Variants in LETM1 observed in about 807,000 individuals in gnomAD.
The protein encoded by LETM1 is leucine zipper and EF-hand containing transmembrane protein 1, also known as mitochondrial proton/calcium exchanger protein.
In LETM1, 50 loss-of-function variants were observed where a neutral mutation model predicts 74.5. That is an observed-to-expected ratio of 0.67 (90% CI 0.53 to 0.85). LETM1 has a LOEUF of 0.85. Among genes scored for constraint, LETM1 ranks in the 40% least tolerant of loss-of-function variants. The pLI is 0.00. For missense variants in LETM1, 824 were observed against 967.8 expected (o/e 0.85, Z 1.97); for synonymous variants, 446 against 407.1 (o/e 1.10, Z -1.15).
At chr4:1,828,194 C>T (rs1382323310) in intron 6 of LETM1, among the ~76,000 whole-genome samples, 3 of 130,924 alleles carry the variant, frequency 2.3e-5, no homozygotes, top group Non-Finnish European at 5.0e-5. Flanking sequence ...CCCCTCACCT[C>T]CCGGACGGGG....
At chr4:1,837,674 C>T (rs1237966443) in intron 3 of LETM1, among the ~76,000 whole-genome samples, 4 of 151,096 alleles carry the variant, frequency 2.6e-5, no homozygotes, top group African/African-American at 9.7e-5. Context: ...CATTGCAAAA[C>T]CATCACTAAA....
In LETM1 at chr4:1,834,516, G is replaced by A. The variant is rs1168125236; in HGVS notation, c.876+329C>T. On this transcript the variant is annotated intron_variant, in intron 5 of 13. Coordinates refer to ENST00000302787, the MANE Select transcript of LETM1 (RefSeq NM_012318.3). This position sits in a 1 kb window ranked among gnomAD's most constrained non-coding sequence, Gnocchi z 5.0. The stretch of plus-strand genomic sequence containing the variant: ...AGGGCAATGCCCAGCAGAGGAGCCC[G>A]GCCAAGCCACCCACACCTCACACCA... 16 of 1,092,538 alleles carry A rather than the reference G, an allele frequency of 1.5e-5. No individual in the cohort carries two copies. Among genetic ancestry groups the A allele is most frequent in the South Asian group, 5.8e-5 (2 of 34,342 alleles). 67.7% of individuals were successfully genotyped at this position (1,092,538 alleles called of 1,614,324 possible).
chr4:1,830,598 T>G (rs1712232481), intron 6 of LETM1, among the ~76,000 whole-genome samples: 1 of 152,226 alleles, frequency 6.6e-6, no homozygotes, highest in African/African-American at 2.4e-5. Context: ...CCTCCCACAG[T>G]GCTGGGATTA....
intron 7 of LETM1, among the ~76,000 whole-genome samples, 194 bp downstream of exon 7, chr4:1,825,370 C>T (rs1283944766): frequency 2.0e-5 from 3 of 152,348 alleles, no homozygotes; most frequent in South Asian, 2.1e-4. Flanking sequence ...ATGAAAGGTG[C>T]GAATGCAGGG....
At chr4:1,829,475 C>G (rs1341592900) in intron 6 of LETM1, among the ~76,000 whole-genome samples, 1 of 152,262 alleles carries the variant, frequency 6.6e-6, no homozygotes, top group African/African-American at 2.4e-5. Flanking sequence ...CTCCACAGTT[C>G]CTGATGAGAA....
chr4:1,841,862 G>T, intron 2 of LETM1, 65 bp from the exon 3 acceptor site: 1 of 1,208,322 alleles, frequency 8.3e-7, no homozygotes, highest in East Asian at 2.5e-5. Context: ...GCTCAGCACC[G>T]AACACCAACA....
intron 2 of LETM1, among the ~76,000 whole-genome samples, chr4:1,842,125 G>A (rs1712724714): frequency 1.3e-5 from 2 of 152,162 alleles, no homozygotes. Flanking sequence ...CCCACTCCCA[G>A]AGACTTGGGG....
intron 11 of LETM1, 119 bp from the exon 12 acceptor site, chr4:1,817,033 G>A: frequency 1.3e-6 from 1 of 783,990 alleles, no homozygotes; most frequent in Non-Finnish European, 2.0e-6. Flanking sequence ...ATCACCTGAG[G>A]TTAGGAGTTC....
Position 1,812,068 on chromosome 4 carries a change from G to A in LETM1, c.*2356C>T, listed in dbSNP as rs1225810915. The A allele has an allele frequency of 2.6e-5, 4 of 152,004 alleles. No homozygotes were observed. The highest frequency in any genetic ancestry group is 7.3e-5 in the African/African-American group (3 of 41,370). The allele number at this position is 152,004 out of a possible 1,614,324, so 9.4% of individuals were successfully genotyped here. A position where few individuals can be genotyped will look rare whatever the true frequency, so the allele number is the denominator to read the frequency against. On this transcript the variant is annotated 3_prime_UTR_variant, in exon 14 of 14. Coordinates refer to ENST00000302787, the MANE Select transcript of LETM1 (RefSeq NM_012318.3). ...AAAAAAATTAGCCAGGTGTGGTGGC[G>A]GGTGCTTGTAGTCCTGGCTACTCGG...
chr4:1,838,275 T>G (rs1219682364), intron 3 of LETM1, among the ~76,000 whole-genome samples: 1 of 152,010 alleles, frequency 6.6e-6, no homozygotes, highest in East Asian at 1.9e-4. Context: ...AATTTTTGTA[T>G]TTTTAGTAGA....
Position 1,834,992 on chromosome 4 carries a change from CAG to C in LETM1, c.739-12_739-11del, listed in dbSNP as rs1346117199. 1 of 1,613,220 alleles carries C rather than the reference CAG, an allele frequency of 6.2e-7. No individual in the cohort carries two copies. The highest frequency in any genetic ancestry group is 8.5e-7 in the Non-Finnish European group (1 of 1,179,586). The stretch of plus-strand genomic sequence containing the variant: ...TCTTCAGCCTCTCCTCCTGCAAGGG[CAG>C]AGAGGGCACTGCATTCCAACTGCTC... On this transcript the variant is annotated splice_polypyrimidine_tract_variant and intron_variant, in intron 4 of 13. Coordinates refer to ENST00000302787, the MANE Select transcript of LETM1 (RefSeq NM_012318.3). This position sits in a 1 kb window ranked among gnomAD's most constrained non-coding sequence, Gnocchi z 5.0.
rs753263511 is a variant in LETM1 at position 1,849,190 on chromosome 4, A to T, written c.102T>A (p.Ala34=). ...CCAGGGTGCTGGCACAGCTGAGATG[A>T]GCAGGATCCCCTGGACTACCTGTAA... ...TVPRGSPGDP[A]HLSCASTLGL... The change falls in exon 2 of 14, where the codon GCT becomes GCA. Residue 34 remains alanine, a synonymous_variant. Coordinates refer to ENST00000302787, the MANE Select transcript of LETM1 (RefSeq NM_012318.3). The T allele has an allele frequency of 6.2e-6, 10 of 1,613,116 alleles. No individual in the cohort carries two copies. In the South Asian group the frequency reaches 7.7e-5, roughly 12 times the overall value.
At chr4:1,840,351 T>C (rs1171653240) in intron 3 of LETM1, among the ~76,000 whole-genome samples, 2 of 152,046 alleles carry the variant, frequency 1.3e-5, no homozygotes, top group African/African-American at 4.8e-5. Flanking sequence ...CACTCAGGCC[T>C]GGGCAACAGA....
At chr4:1,815,520 A>G in intron 13 of LETM1, 144 bp downstream of exon 13, 1 of 727,908 alleles carries the variant, frequency 1.4e-6, no homozygotes, top group Non-Finnish European at 2.2e-6. Flanking sequence ...GGCTTAAAGG[A>G]GCAGTCGCAG....
In LETM1 at chr4:1,821,654, C is replaced by G. The variant is rs577767469; in HGVS notation, c.1608+527G>C. Reference sequence around the variant, plus strand: ...ACTGAGCCGAGATGGCGCCACTGCACTTCAGCCCGCGAGTTCAAGATGGAA... The same window carrying G: ...ACTGAGCCGAGATGGCGCCACTGCAGTTCAGCCCGCGAGTTCAAGATGGAA... On this transcript the variant is annotated intron_variant, in intron 10 of 13. Coordinates refer to ENST00000302787, the MANE Select transcript of LETM1 (RefSeq NM_012318.3). Among the ~76,000 whole-genome samples the G allele has an allele frequency of 1.2e-4, 19 of 152,320 alleles. No homozygotes were observed. In the South Asian group the frequency reaches 3.5e-3, roughly 28 times the overall value.
chr4:1,817,904 G>A (rs1711629513), intron 11 of LETM1, among the ~76,000 whole-genome samples: 1 of 152,074 alleles, frequency 6.6e-6, no homozygotes, highest in Non-Finnish European at 1.5e-5. Flanking sequence ...CTCAGTCTCT[G>A]GAGTAGCTGG....
chr4:1,816,514 G>A (rs1711576433), intron 12 of LETM1, among the ~76,000 whole-genome samples: 1 of 152,208 alleles, frequency 6.6e-6, no homozygotes, highest in Non-Finnish European at 1.5e-5. Flanking sequence ...AAGAGGAAGA[G>A]GGGCCAGGAA....
At chr4:1,847,953 G>A (rs376444737) in intron 2 of LETM1, among the ~76,000 whole-genome samples, 4 of 150,580 alleles carry the variant, frequency 2.7e-5, no homozygotes, top group African/African-American at 9.8e-5. Context: ...CAGAGATCAC[G>A]CCACTGCATT....
intron 6 of LETM1, among the ~76,000 whole-genome samples, chr4:1,828,805 AG>A (rs1317855421): frequency 6.5e-5 from 5 of 76,604 alleles, no homozygotes; most frequent in African/African-American, 2.1e-4. Flanking sequence ...CTGGCCGGGC[AG>A]GGGGGCTGAC....
Sources: allele counts gnomAD v4.1 joint callset (sites outside exome capture counted in the v4.1 genomes callset), GRCh38; gene constraint gnomAD v4.1.1; non-coding constraint Gnocchi (gnomAD v3.1); transcripts MANE v1.5; gene names NCBI Gene and HGNC (gene_info 2026-07-23, HGNC 2026-07-21).